The following KCTD8 variants were observed in gnomAD, a reference collection of about 807,000 sequenced individuals.
The protein encoded by KCTD8 is potassium channel tetramerization domain containing 8, also known as BTB/POZ domain-containing protein KCTD8.
Under a neutral mutation model 31.5 loss-of-function variants are expected in KCTD8, and 27 were observed. That is an observed-to-expected ratio of 0.86 (90% CI 0.63 to 1.18). The LOEUF (loss-of-function observed/expected upper bound fraction) is 1.18. Among genes scored for constraint, KCTD8 ranks in the 50% most tolerant of loss-of-function variants. The pLI, the probability that KCTD8 is intolerant of heterozygous loss-of-function variation, is 0.00. For synonymous variants in KCTD8, 290 were observed against 280.0 expected (o/e 1.04, Z -0.36); for missense variants, 658 against 647.7 (o/e 1.02, Z -0.17).
intron 1 of KCTD8, among the ~76,000 whole-genome samples, chr4:44,208,160 T>G (rs1714373412): frequency 6.6e-6 from 1 of 152,180 alleles, no homozygotes; most frequent in Admixed American, 6.5e-5. Flanking sequence ...TTCTTAGAAA[T>G]TTTCTCAAAT....
chr4:44,429,932 G>A (rs368773261), intron 1 of KCTD8, among the ~76,000 whole-genome samples: 1 of 151,582 alleles, frequency 6.6e-6, no homozygotes, highest in African/African-American at 2.4e-5. Flanking sequence ...GGAGCAGGAA[G>A]ATTAATAAAT....
At chr4:44,232,891 T>G (rs528258250) in intron 1 of KCTD8, among the ~76,000 whole-genome samples, 7 of 152,116 alleles carry the variant, frequency 4.6e-5, no homozygotes, top group African/African-American at 1.7e-4. Flanking sequence ...TGAAACAAAC[T>G]AGTGAATAAG....
rs112296347 is a variant in KCTD8, at chr4:44,263,984, T to C, written c.962-88734A>G. Among the ~76,000 whole-genome samples the C allele has an allele frequency of 9.0e-3, 1,378 of 152,342 alleles. 19 individuals are homozygous for C. The highest frequency in any genetic ancestry group is 0.031 in the African/African-American group (1,289 of 41,586). On this transcript the variant is annotated intron_variant, in intron 1 of 1. Transcript: ENST00000360029. Reference sequence around the variant, plus strand: ...AGTGACAGGGATATGTGGTCACATTTGACTGTGCCTCAATAACTTAATAAC... The same window carrying C: ...AGTGACAGGGATATGTGGTCACATTCGACTGTGCCTCAATAACTTAATAAC...
chr4:44,249,843 T>C (rs903758912), intron 1 of KCTD8, among the ~76,000 whole-genome samples: 9 of 151,508 alleles, frequency 5.9e-5, no homozygotes, highest in African/African-American at 1.9e-4. Flanking sequence ...ATATTACAGA[T>C]ACAGCAAAAG....
chr4:44,310,802 G>C (rs1282310189), intron 1 of KCTD8, among the ~76,000 whole-genome samples: 1 of 152,000 alleles, frequency 6.6e-6, no homozygotes, highest in Non-Finnish European at 1.5e-5. Context: ...ATTAGTCTAT[G>C]GTATAAGAAA....
intron 1 of KCTD8, among the ~76,000 whole-genome samples, chr4:44,239,942 T>C (rs1298229883): frequency 6.6e-6 from 1 of 152,220 alleles, no homozygotes; most frequent in East Asian, 1.9e-4. Context: ...ACTTGAAGAT[T>C]TGATAAGCCT....
chr4:44,345,696 C>A (rs1490291635), intron 1 of KCTD8, among the ~76,000 whole-genome samples: 1 of 152,102 alleles, frequency 6.6e-6, no homozygotes, highest in African/African-American at 2.4e-5. Context: ...TATAAATATA[C>A]TCTCCTCTAG....
chr4:44,296,430 G>A (rs1317513945), intron 1 of KCTD8, among the ~76,000 whole-genome samples: 1 of 151,574 alleles, frequency 6.6e-6, no homozygotes. Context: ...TGTCACATGT[G>A]TTAATTAGGC....
At chr4:44,182,941 G>C (rs1262629687) in intron 1 of KCTD8, among the ~76,000 whole-genome samples, 1 of 152,154 alleles carries the variant, frequency 6.6e-6, no homozygotes, top group Non-Finnish European at 1.5e-5. Context: ...CTTTAAAACA[G>C]TCTGGCATGT....
chr4:44,424,714 T>G (rs1172365069), intron 1 of KCTD8, among the ~76,000 whole-genome samples: 1 of 151,968 alleles, frequency 6.6e-6, no homozygotes, highest in Non-Finnish European at 1.5e-5. Flanking sequence ...ATATAAACCC[T>G]AAAAATATGA....
At chr4:44,181,299 G>A (rs1000865857) in intron 1 of KCTD8, among the ~76,000 whole-genome samples, 8 of 151,670 alleles carry the variant, frequency 5.3e-5, no homozygotes, top group South Asian at 2.1e-4. Context: ...ATGCCGAGCC[G>A]AGGCTGGACT....
chr4:44,364,242 G>GA (rs1265553180), intron 1 of KCTD8, among the ~76,000 whole-genome samples: 3 of 151,668 alleles, frequency 2.0e-5, no homozygotes, highest in Admixed American at 6.6e-5. Context: ...AGTAGGAAAA[G>GA]AAAAAAAGCC....
At chr4:44,298,406 G>GCCCCCCCCCC (rs140926683) in intron 1 of KCTD8, among the ~76,000 whole-genome samples, 1 of 149,752 alleles carries the variant, frequency 6.7e-6, no homozygotes, top group African/African-American at 2.4e-5. Flanking sequence ...CTAATGATCT[G>GCCCCCCCCCC]CCCCCCCCAC....
chr4:44,394,573 C>T (rs1720449274), intron 1 of KCTD8, among the ~76,000 whole-genome samples: 1 of 151,914 alleles, frequency 6.6e-6, no homozygotes, highest in African/African-American at 2.4e-5. Flanking sequence ...ATTTTGATTC[C>T]TTAAGATCAG....
intron 1 of KCTD8, among the ~76,000 whole-genome samples, chr4:44,335,773 A>T (rs1384177325): frequency 6.6e-6 from 1 of 152,160 alleles, no homozygotes; most frequent in Non-Finnish European, 1.5e-5. Flanking sequence ...AAGAAAAATG[A>T]TTTTCTAGAG....
intron 1 of KCTD8, among the ~76,000 whole-genome samples, chr4:44,183,169 A>T (rs978798756): frequency 2.6e-5 from 4 of 152,234 alleles, no homozygotes; most frequent in African/African-American, 9.6e-5. Flanking sequence ...TATCTATTAA[A>T]AATGAAATTA....
chr4:44,227,260 C>G (rs1408071556), intron 1 of KCTD8, among the ~76,000 whole-genome samples: 1 of 152,164 alleles, frequency 6.6e-6, no homozygotes, highest in Non-Finnish European at 1.5e-5. Flanking sequence ...CTGCATATGG[C>G]TAGCCAGTTT....
intron 1 of KCTD8, among the ~76,000 whole-genome samples, chr4:44,181,703 C>T (rs555956740): frequency 3.3e-5 from 5 of 151,394 alleles, no homozygotes; most frequent in East Asian, 2.0e-4. Context: ...TCTGCCTGGC[C>T]GCCCATTGTC....
rs1718498000 is a variant in KCTD8, at chr4:44,328,160, A to G, written c.961+119403T>C. ...CTGTAGAAGGCATTTTGCAAAAAAC[A>G]TCAACATGAAAGTAAACCAACTCAT... On this transcript the variant is annotated intron_variant, in intron 1 of 1. Transcript: ENST00000360029. 2.6e-5 allele frequency among the ~76,000 whole-genome samples: 4 copies of G among 152,128 alleles called. 1 individual carries two copies. The South Asian group carries it at 8.3e-4, about 31-fold the overall frequency.
Sources: gnomAD v4.1 joint callset for allele counts (sites outside exome capture counted in the v4.1 genomes callset) on GRCh38, gnomAD v4.1.1 for gene constraint, MANE v1.5 for transcripts, NCBI Gene and HGNC (gene_info 2026-07-23, HGNC 2026-07-21) for gene names.